Variants in ETHE1 observed in about 807,000 individuals in gnomAD.
ETHE1 encodes persulfide dioxygenase ETHE1, mitochondrial.
Under a neutral mutation model 25.7 loss-of-function variants are expected in ETHE1, and 16 were observed. The observed-to-expected ratio is 0.62, with a 90% CI of 0.42 to 0.95. ETHE1 has a LOEUF of 0.95. Among genes scored for constraint, ETHE1 ranks in the 40% least tolerant of loss-of-function variants. The probability of loss-of-function intolerance (pLI) is 0.00; values close to 1 mark genes in which losing one functional copy is unlikely to be tolerated. For synonymous variants in ETHE1, 139 were observed against 135.9 expected (o/e 1.02, Z -0.16); for missense variants, 300 against 333.6 (o/e 0.90, Z 0.79).
intron 2 of ETHE1, 47 bp from the exon 3 acceptor site, chr19:43,526,396 G>A (rs1172182496): frequency 1.9e-6 from 3 of 1,612,194 alleles, no homozygotes; most frequent in Non-Finnish European, 2.5e-6. Context: ...GAAAGGACCT[G>A]GGAGTCCCAG....
At chr19:43,514,447 C>T (rs939969122) in intron 3 of ETHE1, among the ~76,000 whole-genome samples, 2 of 151,724 alleles carry the variant, frequency 1.3e-5, no homozygotes, top group Non-Finnish European at 2.9e-5. Context: ...GCCCACTAAA[C>T]CCCTTTTTCT....
Position 43,508,790 on chromosome 19 carries a change from C to T in ETHE1, c.580G>A (p.Ala194Thr). ...TLPGDCLIYPAHDYHGFTVST... is the reference protein window; with the variant it reads ...TLPGDCLIYPTHDYHGFTVST... ...AAGCCCTCACCATGGTAATCGTGAG[C>T]AGGGTAGATCAGACAGTCTCCTGGA... The change falls in exon 5 of 7, where the codon GCT becomes ACT. Residue 194 changes from alanine (A) to threonine (T), a missense_variant. Transcript: ENST00000292147. 1 of 1,605,856 alleles carries T rather than the reference C, an allele frequency of 6.2e-7. No homozygotes were observed. The highest frequency in any genetic ancestry group is 8.5e-7 in the Non-Finnish European group (1 of 1,176,468).
rs142193567 is a variant in ETHE1 at position 43,526,591 on chromosome 19, C to G, written c.150G>C (p.Leu50=). ...GCGCTGTTTCCAGGACTGGGTCGAT[C>G]AGAACGGCCTCCCGGGACTCTCTGT... ...LGDRESREAV[L]IDPVLETAPR... The change falls in exon 2 of 7, where the codon CTG becomes CTC. Residue 50 remains leucine (L), a synonymous_variant. Transcript: ENST00000292147. The G allele has an allele frequency of 3.1e-4, 496 of 1,614,068 alleles. No individual in the cohort carries two copies. Among genetic ancestry groups the G allele is most frequent in the Non-Finnish European group, 3.9e-4 (457 of 1,179,986 alleles).
intron 3 of ETHE1, among the ~76,000 whole-genome samples, chr19:43,518,812 TAA>T (rs1972077092): frequency 6.7e-6 from 1 of 150,256 alleles, no homozygotes; most frequent in Non-Finnish European, 1.5e-5. Context: ...AAAGGTTTTG[TAA>T]AAGAGGAAGT....
chr19:43,516,626 T>TTC (rs1568496137), intron 3 of ETHE1, among the ~76,000 whole-genome samples: 2 of 141,690 alleles, frequency 1.4e-5, no homozygotes, highest in Non-Finnish European at 1.5e-5. Flanking sequence ...TTTTTTTCTT[T>TTC]TTTTTTTTTT....
intron 4 of ETHE1, among the ~76,000 whole-genome samples, chr19:43,509,516 C>T (rs112363766): frequency 4.3e-5 from 6 of 138,468 alleles, no homozygotes; most frequent in African/African-American, 1.6e-4. Context: ...AAAAAAAAGG[C>T]TGGGCGCGGT....
intron 4 of ETHE1, among the ~76,000 whole-genome samples, chr19:43,511,111 C>A (rs1437313366): frequency 6.6e-6 from 1 of 151,978 alleles, no homozygotes; most frequent in Non-Finnish European, 1.5e-5. Context: ...AAGTTCAGGG[C>A]TCCCACTGAT....
chr19:43,513,178 G>C (rs966909507), intron 3 of ETHE1, among the ~76,000 whole-genome samples: 1 of 152,162 alleles, frequency 6.6e-6, no homozygotes. Flanking sequence ...GTGCTGCAGG[G>C]GTGAAGCCTT....
chr19:43,525,342 C>T (rs1267079709), intron 3 of ETHE1, among the ~76,000 whole-genome samples: 2 of 152,148 alleles, frequency 1.3e-5, no homozygotes, highest in Non-Finnish European at 2.9e-5. Flanking sequence ...ACACACAGCC[C>T]TCATTTCCTC....
At chr19:43,525,182 T>C (rs1010570926) in intron 3 of ETHE1, among the ~76,000 whole-genome samples, 1 of 151,424 alleles carries the variant, frequency 6.6e-6, no homozygotes, top group African/African-American at 2.4e-5. Flanking sequence ...AAGCTAAATC[T>C]ACCATAGCTA....
At chr19:43,521,327 A>G (rs1972134835) in intron 3 of ETHE1, among the ~76,000 whole-genome samples, 1 of 152,102 alleles carries the variant, frequency 6.6e-6, no homozygotes, top group Non-Finnish European at 1.5e-5. Flanking sequence ...TCTGTCTCAG[A>G]AAAAAAAGAA....
At chr19:43,522,536 G>A (rs2146009456) in intron 3 of ETHE1, among the ~76,000 whole-genome samples, 1 of 152,172 alleles carries the variant, frequency 6.6e-6, no homozygotes, top group Non-Finnish European at 1.5e-5. Flanking sequence ...GAGTGCAATG[G>A]CACCATCTGG....
At chr19:43,513,469 C>G (rs766722691) in intron 3 of ETHE1, among the ~76,000 whole-genome samples, 1 of 152,212 alleles carries the variant, frequency 6.6e-6, no homozygotes, top group Admixed American at 6.5e-5. Context: ...CTTGCATCAG[C>G]ATGACCTGGA....
intron 4 of ETHE1, 126 bp downstream of exon 4, chr19:43,511,311 T>C: frequency 6.9e-7 from 1 of 1,457,442 alleles, no homozygotes; most frequent in African/African-American, 1.4e-5. Flanking sequence ...GGTAAACTCC[T>C]TGAATTTAAT....
At position 43,526,283 on chromosome 19, in the gene ETHE1, C is replaced by A. The variant is rs754704246; in HGVS notation, c.293G>T (p.Cys98Phe). The A allele has an allele frequency of 8.1e-6, 13 of 1,614,168 alleles. No homozygotes were observed. Among genetic ancestry groups the A allele is most frequent in the Non-Finnish European group, 1.1e-5 (13 of 1,180,022 alleles). The part of the protein sequence containing the change: ...SGLLRSLLPG[C>F]QSVISRLSGA... ...ACTAAGGCGGGAGATGACAGACTGG[C>A]AGCCAGGGAGGAGGGAACGGAGCAG... Residue 98 changes from cysteine (C) to phenylalanine (F), a missense_variant, in exon 3 of 7, where the codon TGC (cysteine) becomes TTC (phenylalanine). Coordinates refer to ENST00000292147, the MANE Select transcript of ETHE1 (RefSeq NM_014297.5).
chr19:43,514,485 C>CTTTTTTTT (rs767043458), intron 3 of ETHE1, among the ~76,000 whole-genome samples: 1 of 113,252 alleles, frequency 8.8e-6, no homozygotes, highest in Non-Finnish European at 1.7e-5. Flanking sequence ...TTGGGTATGT[C>CTTTTTTTT]TTTTTTTTTT....
chr19:43,508,806 G>T lies in ETHE1; in HGVS notation c.564C>A (p.Asp188Glu), dbSNP rs779185200. 17 of 1,608,586 alleles carry T rather than the reference G, an allele frequency of 1.1e-5. No individual in the cohort carries two copies. Among genetic ancestry groups the T allele is most frequent in the Non-Finnish European group, 1.4e-5 (17 of 1,177,880 alleles). Reference sequence around the variant, plus strand: ...AATCGTGAGCAGGGTAGATCAGACAGTCTCCTGGAAGTGTGAAGATCTTTT... The same window carrying T: ...AATCGTGAGCAGGGTAGATCAGACATTCTCCTGGAAGTGTGAAGATCTTTT... ...VHEKIFTLPGDCLIYPAHDYH... is the reference protein window; with the variant it reads ...VHEKIFTLPGECLIYPAHDYH... Residue 188 changes from aspartate (D) to glutamate (E), a missense_variant, in exon 5 of 7, where the codon GAC becomes GAA. Physicochemically the swap from Asp to Glu is conservative, Grantham distance 45. Coordinates refer to ENST00000292147, the MANE Select transcript of ETHE1 (RefSeq NM_014297.5).
At chr19:43,515,396 G>T (rs1479389527) in intron 3 of ETHE1, among the ~76,000 whole-genome samples, 1 of 139,374 alleles carries the variant, frequency 7.2e-6, no homozygotes, top group Admixed American at 7.6e-5. Flanking sequence ...CAGCCTGGAT[G>T]ACAAGAGCAA....
chr19:43,511,716 AG>A (rs1971922692), intron 3 of ETHE1, 150 bp from the exon 4 acceptor site: 1 of 876,410 alleles, frequency 1.1e-6, no homozygotes, highest in African/African-American at 1.7e-5. Context: ...ATATTATCAG[AG>A]TAAACTCCAA....
Sources: gnomAD v4.1 joint callset for allele counts (sites outside exome capture counted in the v4.1 genomes callset) on GRCh38, gnomAD v4.1.1 for gene constraint, MANE v1.5 for transcripts, NCBI Gene and HGNC (gene_info 2026-07-23, HGNC 2026-07-21) for gene names.